RGS6: variants seen among roughly 807,000 people sequenced by gnomAD.
RGS6 encodes the protein regulator of G protein signaling 6.
In RGS6, 30 loss-of-function variants were observed where a neutral mutation model predicts 78.5. That is an observed-to-expected ratio of 0.38 (90% CI 0.29 to 0.52). The LOEUF is 0.52. Ranked by LOEUF, RGS6 falls within the 20% of genes least tolerant of loss-of-function variation. RGS6 has a pLI of 0.85. For missense variants in RGS6, 495 were observed against 609.7 expected (o/e 0.81, Z 1.98); for synonymous variants, 206 against 206.0 (o/e 1.00, Z 0.00).
intron 2 of RGS6, among the ~76,000 whole-genome samples, chr14:72,256,869 A>G (rs1292380423): frequency 6.6e-6 from 1 of 152,186 alleles, no homozygotes; most frequent in Non-Finnish European, 1.5e-5. Context: ...TTTCATTTGA[A>G]TTCAACAAAT....
At chr14:72,391,064 C>A (rs955203594) in intron 3 of RGS6, among the ~76,000 whole-genome samples, 10 of 152,148 alleles carry the variant, frequency 6.6e-5, no homozygotes, top group Admixed American at 6.6e-4. Context: ...TAGGCAAATG[C>A]AAGCATATGA....
At chr14:72,580,181 C>T in the RGS6 span, among the ~76,000 whole-genome samples, 1 of 152,114 alleles carries the variant, frequency 6.6e-6, no homozygotes, top group Non-Finnish European at 1.5e-5. Context: ...ACGCAAATTC[C>T]TCTCTGTGCT....
intron 14 of RGS6, among the ~76,000 whole-genome samples, chr14:72,513,627 G>C (rs920133362): frequency 6.6e-6 from 1 of 152,206 alleles, no homozygotes; most frequent in Non-Finnish European, 1.5e-5. Context: ...GCTCCGCTCA[G>C]TTTCTTGGCC....
intron 2 of RGS6, among the ~76,000 whole-genome samples, chr14:72,046,439 A>G (rs184675275): frequency 2.8e-4 from 42 of 152,288 alleles, no homozygotes; most frequent in African/African-American, 9.9e-4. Context: ...GTAGAGCAGA[A>G]TCTAGAATCC....
At chr14:72,420,732 G>A (rs1005975082) in intron 3 of RGS6, among the ~76,000 whole-genome samples, 1 of 152,082 alleles carries the variant, frequency 6.6e-6, no homozygotes, top group Non-Finnish European at 1.5e-5. Flanking sequence ...CTCATTATTT[G>A]CCTCTGGAAA....
At chr14:72,437,078 T>C (rs1251977848) in intron 3 of RGS6, among the ~76,000 whole-genome samples, 1 of 146,522 alleles carries the variant, frequency 6.8e-6, no homozygotes, top group East Asian at 2.0e-4. Context: ...CCCAGCACTT[T>C]GGGAGGCCAA....
intron 3 of RGS6, among the ~76,000 whole-genome samples, chr14:72,383,328 G>A (rs1456781522): frequency 6.6e-6 from 1 of 151,664 alleles, no homozygotes; most frequent in Non-Finnish European, 1.5e-5. Flanking sequence ...TTTACTTGCA[G>A]AAGATGAATT....
intron 2 of RGS6, among the ~76,000 whole-genome samples, chr14:72,110,233 C>T (rs2095725201): frequency 6.6e-6 from 1 of 152,208 alleles, no homozygotes; most frequent in Non-Finnish European, 1.5e-5. Flanking sequence ...GTCCTCATCT[C>T]TAGTTTACAG....
At chr14:72,151,323 T>C (rs1301083677) in intron 2 of RGS6, among the ~76,000 whole-genome samples, 4 of 152,216 alleles carry the variant, frequency 2.6e-5, no homozygotes, top group Non-Finnish European at 4.4e-5. Context: ...GAATGAAGTA[T>C]GTCAAAAACA....
chr14:71,885,456 C>T, the RGS6 span, among the ~76,000 whole-genome samples: 1 of 152,206 alleles, frequency 6.6e-6, no homozygotes, highest in African/African-American at 2.4e-5. Context: ...GTATTCTTCA[C>T]TTCAACTCTT....
At chr14:72,178,073 G>A (rs1012563040) in intron 2 of RGS6, among the ~76,000 whole-genome samples, 4 of 152,194 alleles carry the variant, frequency 2.6e-5, no homozygotes, top group Non-Finnish European at 5.9e-5. Flanking sequence ...GCACCTGCTG[G>A]TCTGCTGGCT....
At chr14:72,587,076 T>C in the RGS6 span, among the ~76,000 whole-genome samples, 1 of 152,136 alleles carries the variant, frequency 6.6e-6, no homozygotes, top group Non-Finnish European at 1.5e-5. Context: ...GCCTTTTGTC[T>C]CCAAGCATGG....
intron 2 of RGS6, among the ~76,000 whole-genome samples, chr14:72,105,116 T>C (rs2095606766): frequency 1.3e-5 from 2 of 152,204 alleles, no homozygotes; most frequent in Admixed American, 1.3e-4. Context: ...GTTGCATGTA[T>C]TGAGTATCAG....
At chr14:72,142,002 C>G (rs1753925138) in intron 2 of RGS6, among the ~76,000 whole-genome samples, 1 of 152,090 alleles carries the variant, frequency 6.6e-6, no homozygotes, top group African/African-American at 2.4e-5. Flanking sequence ...TGACCCCTCT[C>G]TTGAGGCTTA....
intron 2 of RGS6, among the ~76,000 whole-genome samples, chr14:72,052,366 C>A (rs2093300821): frequency 6.6e-6 from 1 of 152,164 alleles, no homozygotes. Flanking sequence ...GGTAGCAGGT[C>A]CTTACTCTCA....
chr14:72,222,381 G>A (rs1224692118), intron 2 of RGS6, among the ~76,000 whole-genome samples: 1 of 152,170 alleles, frequency 6.6e-6, no homozygotes, highest in Non-Finnish European at 1.5e-5. Flanking sequence ...AACTGTTGTA[G>A]ATGTCATGAG....
chr14:72,541,420 T>C (rs778490928), intron 17 of RGS6: 10 of 1,523,084 alleles, frequency 6.6e-6, no homozygotes, highest in Non-Finnish European at 7.9e-6. Flanking sequence ...TATCCATCCC[T>C]TCCCTTCCTC....
intron 2 of RGS6, among the ~76,000 whole-genome samples, chr14:72,110,519 T>A (rs1035189019): frequency 2.0e-5 from 3 of 152,166 alleles, no homozygotes; most frequent in Non-Finnish European, 2.9e-5. Context: ...AATGGTCTTG[T>A]AGGAGGGAGG....
At chr14:72,478,219 A>G in intron 11 of RGS6, 49 bp from the exon 12 acceptor site, 1 of 1,464,424 alleles carries the variant, frequency 6.8e-7, no homozygotes, top group Non-Finnish European at 9.5e-7. Context: ...GCGAGGGGAA[A>G]AAAATAATTT....
Sources: gnomAD v4.1 joint callset for allele counts (sites outside exome capture counted in the v4.1 genomes callset) on GRCh38, gnomAD v4.1.1 for gene constraint, MANE v1.5 for transcripts, NCBI Gene and HGNC (gene_info 2026-07-23, HGNC 2026-07-21) for gene names.